Variants in ATAD2B observed in about 807,000 individuals in gnomAD.
ATAD2B encodes ATPase family AAA domain-containing protein 2B.
Under a neutral mutation model 167.6 loss-of-function variants are expected in ATAD2B, and 40 were observed. The ratio of observed to expected loss-of-function variants is 0.24; its 90% CI spans 0.19 to 0.31. The LOEUF is 0.31. Ranked by LOEUF, ATAD2B falls within the 10% of genes least tolerant of loss-of-function variation. ATAD2B has a pLI of 1.00. For synonymous variants in ATAD2B, 579 were observed against 596.5 expected (o/e 0.97, Z 0.43); for missense variants, 1,242 against 1,757.2 (o/e 0.71, Z 5.24).
At chr2:23,773,435 G>A (rs537811966) in intron 22 of ATAD2B, among the ~76,000 whole-genome samples, 21 of 152,230 alleles carry the variant, frequency 1.4e-4, no homozygotes, top group African/African-American at 4.6e-4. Flanking sequence ...CAGGGAGGTC[G>A]ATGTCTCAAG....
chr2:23,862,176 G>A (rs914412419), intron 12 of ATAD2B, among the ~76,000 whole-genome samples: 2 of 150,042 alleles, frequency 1.3e-5, no homozygotes, highest in East Asian at 3.9e-4. Context: ...CAGCCTGGGT[G>A]ACAGAGCGTG....
chr2:23,848,006 A>C (rs1691963212), intron 13 of ATAD2B, among the ~76,000 whole-genome samples: 1 of 151,760 alleles, frequency 6.6e-6, no homozygotes, highest in Non-Finnish European at 1.5e-5. Context: ...AAAAAAAAAA[A>C]AAAGTGTTTT....
chr2:23,920,351 C>T (rs1703731773), intron 1 of ATAD2B, among the ~76,000 whole-genome samples: 1 of 152,210 alleles, frequency 6.6e-6, no homozygotes, highest in Non-Finnish European at 1.5e-5. Flanking sequence ...CTACTTTGAA[C>T]CAATTTACCT....
the ATAD2B span, chr2:23,706,806 C>T: frequency 1.7e-6 from 1 of 592,322 alleles, no homozygotes; most frequent in South Asian, 2.7e-5. Context: ...TGAATATTCT[C>T]TACATTGAAT....
chr2:23,881,594 C>G (rs1410275274), intron 6 of ATAD2B, among the ~76,000 whole-genome samples: 3 of 152,014 alleles, frequency 2.0e-5, no homozygotes, highest in Non-Finnish European at 2.9e-5. Context: ...AACTCCAGAC[C>G]TGGTGATCAA....
the ATAD2B span, among the ~76,000 whole-genome samples, chr2:23,738,603 T>A: frequency 6.6e-6 from 1 of 152,010 alleles, no homozygotes; most frequent in Non-Finnish European, 1.5e-5. Flanking sequence ...ACATGCCAAA[T>A]TGTAAAGAGC....
Position 23,757,903 on chromosome 2 carries a change from G to T in ATAD2B, c.3593C>A (p.Thr1198Asn). 6.2e-7 allele frequency: 1 copy of T among 1,604,114 alleles called. No homozygotes were observed. The highest frequency in any genetic ancestry group is 8.5e-7 in the Non-Finnish European group (1 of 1,177,418). ...TDCHEENGEE[T>N]GDLSMTNDES... ...ATCATTGGTCATAGATAAGTCTCCAGTCTCTTCTCCATTTTCCTCATGGCA... is the reference window on the plus strand; with the variant it reads ...ATCATTGGTCATAGATAAGTCTCCATTCTCTTCTCCATTTTCCTCATGGCA... Residue 1198 changes from threonine to asparagine, a missense_variant, in exon 25 of 28, where the codon ACT becomes AAT. This residue lies in a region of ATAD2B where 282 missense variants were observed against 346.8 expected (regional missense o/e 0.81). Transcript: ENST00000238789.
At chr2:23,911,151 G>A (rs1277360551) in intron 1 of ATAD2B, among the ~76,000 whole-genome samples, 22 of 151,854 alleles carry the variant, frequency 1.4e-4, no homozygotes, top group African/African-American at 5.1e-4. Context: ...AACCCAGGGG[G>A]CAGAGGTTGC....
At chr2:23,724,992 G>A in the ATAD2B span, among the ~76,000 whole-genome samples, 126 of 132,162 alleles carry the variant, frequency 9.5e-4, 1 homozygote, top group African/African-American at 3.5e-3. Context: ...GCAGTGAGCC[G>A]AGATCTCGCC....
At chr2:23,828,127 G>C (rs1014060662) in intron 15 of ATAD2B, among the ~76,000 whole-genome samples, 6 of 151,724 alleles carry the variant, frequency 4.0e-5, no homozygotes, top group African/African-American at 1.5e-4. Flanking sequence ...AGACAAAAGA[G>C]GGGGAAAGAA....
At chr2:23,679,599 T>C in the ATAD2B span, among the ~76,000 whole-genome samples, 1 of 152,122 alleles carries the variant, frequency 6.6e-6, no homozygotes, top group African/African-American at 2.4e-5. Context: ...ATATTTGCCA[T>C]CCATCACACC....
At chr2:23,705,451 C>T in the ATAD2B span, among the ~76,000 whole-genome samples, 29 of 151,634 alleles carry the variant, frequency 1.9e-4, no homozygotes, top group Non-Finnish European at 1.9e-4. Flanking sequence ...GAGATCACAC[C>T]ACTGCACTCC....
chr2:23,842,328 A>G (rs1417682760), intron 13 of ATAD2B, among the ~76,000 whole-genome samples: 1 of 152,180 alleles, frequency 6.6e-6, no homozygotes, highest in Non-Finnish European at 1.5e-5. Context: ...CTGGATAACC[A>G]AGAGGTCTAC....
intron 1 of ATAD2B, among the ~76,000 whole-genome samples, chr2:23,904,360 G>A (rs761413439): frequency 6.6e-6 from 1 of 152,154 alleles, no homozygotes; most frequent in Non-Finnish European, 1.5e-5. Flanking sequence ...TTGTAAGTAA[G>A]AGATCATTGT....
intron 8 of ATAD2B, among the ~76,000 whole-genome samples, chr2:23,871,022 A>G (rs1558697323): frequency 2.0e-5 from 3 of 151,862 alleles, no homozygotes; most frequent in Non-Finnish European, 4.4e-5. Context: ...AAGTGTTCAA[A>G]TTGAGTTCAT....
At chr2:23,876,033 C>T (rs1001211454) in intron 7 of ATAD2B, 129 bp from the exon 8 acceptor site, 2 of 689,472 alleles carry the variant, frequency 2.9e-6, no homozygotes, top group Non-Finnish European at 4.8e-6. Context: ...CTTGCTCTAA[C>T]GCCAGGCTGG....
the ATAD2B span, among the ~76,000 whole-genome samples, chr2:23,737,221 T>C: frequency 2.0e-5 from 3 of 152,144 alleles, no homozygotes; most frequent in African/African-American, 7.2e-5. Flanking sequence ...AGCACACAGC[T>C]TGAGATCTGA....
intron 17 of ATAD2B, among the ~76,000 whole-genome samples, chr2:23,813,325 ATATAT>A (rs1390076841): frequency 1.3e-5 from 2 of 148,260 alleles, no homozygotes; most frequent in African/African-American, 4.9e-5. Flanking sequence ...TTATTTTATA[ATATAT>A]TATAAAATAA....
At chr2:23,862,278 T>C (rs1405246292) in intron 12 of ATAD2B, among the ~76,000 whole-genome samples, 4 of 152,104 alleles carry the variant, frequency 2.6e-5, no homozygotes, top group African/African-American at 9.7e-5. Flanking sequence ...TGCTCAAAGC[T>C]TGAAGTTATT....
Sources: gnomAD v4.1 joint callset for allele counts (sites outside exome capture counted in the v4.1 genomes callset) on GRCh38, gnomAD v4.1.1 for gene constraint, gnomAD v4.1.1 regional missense constraint, MANE v1.5 for transcripts, NCBI Gene and HGNC (gene_info 2026-07-23, HGNC 2026-07-21) for gene names.